The following SLC12A1 variants were observed in gnomAD, a reference collection of about 807,000 sequenced individuals.
SLC12A1 encodes solute carrier family 12 member 1, also known as Na-K-2Cl cotransporter.
In SLC12A1, 89 loss-of-function variants were observed where a neutral mutation model predicts 130.4. That is an observed-to-expected ratio of 0.68 (90% CI 0.58 to 0.81). The LOEUF (loss-of-function observed/expected upper bound fraction) is 0.81. Among genes scored for constraint, SLC12A1 ranks in the 40% least tolerant of loss-of-function variants. SLC12A1 has a pLI of 0.00. For synonymous variants in SLC12A1, 499 were observed against 460.0 expected (o/e 1.08, Z -1.09); for missense variants, 1,310 against 1,336.4 (o/e 0.98, Z 0.31).
At chr15:48,221,310 T>C in intron 4 of SLC12A1, 2 of 701,832 alleles carry the variant, frequency 2.8e-6, no homozygotes, top group Non-Finnish European at 2.6e-6. Context: ...TTGGGGGACA[T>C]ATTGACATTT....
rs969455038 is a variant in SLC12A1 at position 48,230,309 on chromosome 15, T to C, written c.865-84T>C. On this transcript the variant is annotated intron_variant, in intron 6 of 26. Coordinates refer to ENST00000380993, the MANE Select transcript of SLC12A1 (RefSeq NM_000338.3). ...TATGGCCCCAGGTGTAATTGTATAG[T>C]ATCTCTTTTTACTGTTAAATGCTGC... 7.8e-6 allele frequency: 6 copies of C among 769,396 alleles called. No individual in the cohort carries two copies. The Admixed American group carries it at 1.0e-4, about 13-fold the overall frequency. The allele number at this position is 769,396 out of a possible 1,614,324, so 47.7% of individuals were successfully genotyped here.
chr15:48,229,110 T>G, intron 5 of SLC12A1, 79 bp from the exon 6 acceptor site: 2 of 1,415,472 alleles, frequency 1.4e-6, no homozygotes, highest in South Asian at 2.7e-5. Context: ...ACACTGTAAA[T>G]GTTCTCAGAT....
chr15:48,274,574 T>C lies in SLC12A1; in HGVS notation c.2406T>C (p.Asp802=), dbSNP rs1285618261. ...EIENYVGIIH[D]AFDFEIGVVI... ...ACTGCTTTGCTTCCTCTTTCAGTGA[T>C]GCATTTGATTTTGAGATTGGCGTGG... The change falls in exon 20 of 27, where the codon GAT becomes GAC. Residue 802 remains aspartate (D), a synonymous_variant. Transcript: ENST00000380993. The C allele has an allele frequency of 6.2e-7, 1 of 1,611,006 alleles. No homozygotes were observed. The highest frequency in any genetic ancestry group is 8.5e-7 in the Non-Finnish European group (1 of 1,177,960).
intron 17 of SLC12A1, among the ~76,000 whole-genome samples, chr15:48,265,644 C>T (rs544399047): frequency 3.6e-4 from 55 of 152,240 alleles, no homozygotes; most frequent in African/African-American, 1.1e-3. Flanking sequence ...TCTTTTCTAT[C>T]TTCATGGAAG....
At chr15:48,283,197 C>T (rs1000212066) in intron 20 of SLC12A1, among the ~76,000 whole-genome samples, 1 of 152,144 alleles carries the variant, frequency 6.6e-6, no homozygotes, top group African/African-American at 2.4e-5. Context: ...TTTTTAAGGA[C>T]CTCCAAAACA....
At chr15:48,213,129 AC>A (rs1371114109) in intron 2 of SLC12A1, among the ~76,000 whole-genome samples, 1 of 152,228 alleles carries the variant, frequency 6.6e-6, no homozygotes. Flanking sequence ...AGGTCAAGAA[AC>A]CAAGGTCACA....
In SLC12A1 at chr15:48,302,925, C is replaced by T. The variant is rs763944699; in HGVS notation, c.*40C>T. 16 of 1,447,814 alleles carry T rather than the reference C, an allele frequency of 1.1e-5. No individual in the cohort carries two copies. Among genetic ancestry groups the T allele is most frequent in the Non-Finnish European group, 1.5e-5 (16 of 1,040,308 alleles). 89.7% of individuals were successfully genotyped at this position (1,447,814 alleles called of 1,614,324 possible). Reference sequence around the variant, plus strand: ...GAATACATTTTAACTTAATGTAATGCATAATTAAGAAACATGTTCCAGTAC... The same window carrying T: ...GAATACATTTTAACTTAATGTAATGTATAATTAAGAAACATGTTCCAGTAC... On this transcript the variant is annotated 3_prime_UTR_variant, in exon 27 of 27. Transcript: ENST00000380993.
chr15:48,281,721 T>C (rs919950344), intron 20 of SLC12A1, among the ~76,000 whole-genome samples: 2 of 152,192 alleles, frequency 1.3e-5, no homozygotes, highest in African/African-American at 4.8e-5. Flanking sequence ...TGAGATACTA[T>C]GTAGAAAGGG....
chr15:48,227,371 G>T (rs1933850332), intron 5 of SLC12A1: 1 of 593,396 alleles, frequency 1.7e-6, no homozygotes, highest in Non-Finnish European at 3.0e-6. Context: ...CCCATTTCTT[G>T]TAACAAAACA....
At chr15:48,264,110 T>A (rs1397914060) in intron 17 of SLC12A1, among the ~76,000 whole-genome samples, 2 of 152,214 alleles carry the variant, frequency 1.3e-5, no homozygotes. Flanking sequence ...TTTATGGGTA[T>A]TCTTCTCATC....
chr15:48,249,576 G>A lies in SLC12A1; in HGVS notation c.1686G>A (p.Ala562=), dbSNP rs199833808. ...FLIAMAFILI[A]ELNTIAPIIS... Reference sequence around the variant, plus strand: ...TGTTCAATTCTGTTACTTTTACAGCGGAACTGAACACCATTGCTCCCATCA... The same window carrying A: ...TGTTCAATTCTGTTACTTTTACAGCAGAACTGAACACCATTGCTCCCATCA... The change falls in exon 14 of 27, where the codon GCG becomes GCA. Residue 562 remains alanine, a splice_region_variant and synonymous_variant. Transcript: ENST00000380993. 4.5e-5 allele frequency: 73 copies of A among 1,611,742 alleles called. No individual in the cohort carries two copies. Among genetic ancestry groups the A allele is most frequent in the South Asian group, 6.6e-5 (6 of 91,030 alleles).
intron 9 of SLC12A1, among the ~76,000 whole-genome samples, chr15:48,235,816 T>C (rs570334780): frequency 1.3e-5 from 2 of 152,274 alleles, no homozygotes; most frequent in East Asian, 3.9e-4. Context: ...GTTTCACCGT[T>C]ACTTTGGGGC....
chr15:48,270,899 T>G (rs1002281768), intron 19 of SLC12A1, among the ~76,000 whole-genome samples: 20 of 148,790 alleles, frequency 1.3e-4, no homozygotes, highest in African/African-American at 4.7e-4. Flanking sequence ...GAAAACAAAT[T>G]CTACACATAC....
At chr15:48,260,010 G>A (rs1302641813) in intron 17 of SLC12A1, among the ~76,000 whole-genome samples, 1 of 152,124 alleles carries the variant, frequency 6.6e-6, no homozygotes, top group Non-Finnish European at 1.5e-5. Flanking sequence ...GCTCATGCCT[G>A]TAATCCCAGC....
intron 14 of SLC12A1, among the ~76,000 whole-genome samples, chr15:48,250,609 G>A (rs2041635803): frequency 6.6e-6 from 1 of 151,004 alleles, no homozygotes; most frequent in South Asian, 2.1e-4. Context: ...GAAGGAGAGA[G>A]ACAGGAAAAT....
chr15:48,258,649 T>A (rs1337894716), intron 16 of SLC12A1, among the ~76,000 whole-genome samples: 1 of 152,156 alleles, frequency 6.6e-6, no homozygotes, highest in Non-Finnish European at 1.5e-5. Flanking sequence ...AGTTCCAAAG[T>A]CACTTTCACA....
At chr15:48,283,629 G>T (rs1247882375) in intron 20 of SLC12A1, among the ~76,000 whole-genome samples, 12 of 152,216 alleles carry the variant, frequency 7.9e-5, no homozygotes. Flanking sequence ...GGATGTGACT[G>T]TCCTGACAGA....
intron 17 of SLC12A1, among the ~76,000 whole-genome samples, chr15:48,265,359 G>T (rs2041821407): frequency 1.3e-5 from 2 of 152,152 alleles, no homozygotes; most frequent in Non-Finnish European, 2.9e-5. Context: ...CTCCCCAGGG[G>T]TTCACAGTCA....
Position 48,244,820 on chromosome 15 carries a change from T to C in SLC12A1, c.1368T>C (p.Asn456=), listed in dbSNP as rs1215656059. The change falls in exon 11 of 27, where the codon AAT becomes AAC. Residue 456 remains asparagine (N), a synonymous_variant. Coordinates refer to ENST00000380993, the MANE Select transcript of SLC12A1 (RefSeq NM_000338.3). ...CCATCATTTCTGGGATGAACTGCAA[T>C]GGTTCAGCAGCATGTGGGTTGGGCT... is the stretch of plus-strand genomic sequence containing the variant. ...NDTIISGMNC[N]GSAACGLGYD... is the part of the protein sequence containing the mutation. 3 of 1,613,926 alleles carry C rather than the reference T, an allele frequency of 1.9e-6. No individual in the cohort carries two copies. The highest frequency in any genetic ancestry group is 2.5e-6 in the Non-Finnish European group (3 of 1,179,826).
Sources: gnomAD v4.1 joint callset for allele counts (sites outside exome capture counted in the v4.1 genomes callset) on GRCh38, gnomAD v4.1.1 for gene constraint, MANE v1.5 for transcripts, NCBI Gene and HGNC (gene_info 2026-07-23, HGNC 2026-07-21) for gene names.